The following BRWD3 variants were observed in gnomAD, a reference collection of about 807,000 sequenced individuals.
BRWD3 encodes the protein bromodomain and WD repeat domain containing 3.
In BRWD3, 10 loss-of-function variants were observed where a neutral mutation model predicts 149.7. The observed-to-expected ratio is 0.07, with a 90% confidence interval of 0.04 to 0.11. The LOEUF is 0.11. Ranked by LOEUF, BRWD3 falls within the 10% of genes least tolerant of loss-of-function variation. The probability of loss-of-function intolerance (pLI) is 1.00; values close to 1 mark genes in which losing one functional copy is unlikely to be tolerated. For missense variants in BRWD3, 940 were observed against 1,373.2 expected, an observed-to-expected ratio of 0.68 and a Z score of 4.99; for synonymous variants, 504 against 456.7, an observed-to-expected ratio of 1.10 and a Z score of -1.32.
intron 8 of BRWD3, among the ~76,000 whole-genome samples, chrX:80,740,255 G>C (rs760981422): frequency 9.0e-6 from 1 of 111,681 alleles, no homozygotes; most frequent in Non-Finnish European, 1.9e-5. Flanking sequence ...TCCAAAAGTG[G>C]TCTCTTTCTC....
At chrX:80,699,052 A>G (rs2072743234) in intron 25 of BRWD3, among the ~76,000 whole-genome samples, 1 of 108,948 alleles carries the variant, frequency 9.2e-6, no homozygotes, top group African/African-American at 3.4e-5. Context: ...TGTCTCCAAT[A>G]AAAATACGAA....
At chrX:80,709,801 G>A in intron 20 of BRWD3, 1 of 465,025 alleles carries the variant, frequency 2.2e-6, no homozygotes, top group East Asian at 3.7e-5. Context: ...ATTAAAGACA[G>A]TGCTGAAAAG....
intron 14 of BRWD3, among the ~76,000 whole-genome samples, chrX:80,726,682 T>C (rs2073254055): frequency 9.1e-6 from 1 of 110,311 alleles, no homozygotes; most frequent in African/African-American, 3.3e-5. Context: ...GAATAGAGTA[T>C]CCTACCATAT....
At chrX:80,698,229 A>C (rs140235656) in intron 25 of BRWD3, among the ~76,000 whole-genome samples, 437 of 112,045 alleles carry the variant, frequency 3.9e-3, no homozygotes, top group African/African-American at 0.014. Flanking sequence ...ATACACATTT[A>C]CTGATTATTA....
At position 80,722,635 on chromosome X, in the gene BRWD3, G is replaced by A. The variant is rs749932873; in HGVS notation, c.1803C>T (p.Phe601=). ...TTTCCCGTCCTGGTACCAACCGTTG[G>A]AATTTTGTGGGATGAGGATTTCCAT... is the stretch of plus-strand genomic sequence containing the variant. ...DVDGNPHPTK[F]QRLVPGRENC... is the part of the protein sequence containing the mutation. The change falls in exon 17 of 41, where the codon TTC becomes TTT. Residue 601 remains phenylalanine (F), a synonymous_variant. Coordinates refer to ENST00000373275, the MANE Select transcript of BRWD3 (RefSeq NM_153252.5). 8.3e-7 allele frequency: 1 copy of A among 1,211,584 alleles called. No homozygotes were observed. Among genetic ancestry groups the A allele is most frequent in the East Asian group, 3.0e-5 (1 of 33,834 alleles).
rs762886663 is a variant in BRWD3, at chrX:80,677,027, T to C, written c.4991A>G (p.Asn1664Ser). 2 of 1,211,519 alleles carry C rather than the reference T, an allele frequency of 1.7e-6. No individual in the cohort carries two copies. The highest frequency in any genetic ancestry group is 2.2e-6 in the Non-Finnish European group (2 of 895,372). Residue 1664 changes from asparagine to serine, a missense_variant, in exon 41 of 41, where the codon AAT (asparagine) becomes AGT (serine). Physicochemically the swap from Asn to Ser is conservative, Grantham distance 46 (BLOSUM62 1). Around this residue, in one of 6 missense-constraint regions of BRWD3, gnomAD observed 349 missense variants for 419.6 expected, o/e 0.83. Transcript: ENST00000373275. The stretch of plus-strand genomic sequence containing the variant: ...TCCTCCTGTGCCTCTGGTCTTCCAA[T>C]TTCTTTTTCCATTGCCATGTTGCTT... The part of the protein sequence containing the change: ...LRKQHGNGKR[N>S]WKTRGTGGRG...
Position 80,809,766 on chromosome X carries a change from AG to A in BRWD3, c.-296del, listed in dbSNP as rs1569296348. On this transcript the variant is annotated 5_prime_UTR_variant, in exon 1 of 41. Transcript: ENST00000373275. ...AGAGAGAGAGAGAGGAAAAAGAGAG[AG>A]AGAGAGAGAGAGAGAGAGAGAGAGA... is the stretch of plus-strand genomic sequence containing the variant. 1.9e-3 allele frequency: 130 copies of A among 66,976 alleles called. No individual in the cohort carries two copies. The highest frequency in any genetic ancestry group is 0.011 in the African/African-American group (125 of 11,103). The allele number at this position is 66,976 out of a possible 1,213,427, so 5.5% of individuals were successfully genotyped here. A position where few individuals can be genotyped will look rare whatever the true frequency, so the allele number is the denominator to read the frequency against.
intron 33 of BRWD3, among the ~76,000 whole-genome samples, chrX:80,689,071 G>A (rs1172949834): frequency 9.0e-6 from 1 of 111,266 alleles, no homozygotes; most frequent in East Asian, 2.8e-4. Flanking sequence ...AATATCTCAT[G>A]CCACTGCAAC....
chrX:80,759,496 T>A (rs1018121391), intron 6 of BRWD3, among the ~76,000 whole-genome samples: 1 of 111,835 alleles, frequency 8.9e-6, no homozygotes, highest in Non-Finnish European at 1.9e-5. Flanking sequence ...TCTCTAACTA[T>A]GCTTGCTCTA....
At chrX:80,699,432 T>C (rs1019903818) in intron 25 of BRWD3, among the ~76,000 whole-genome samples, 1 of 110,970 alleles carries the variant, frequency 9.0e-6, no homozygotes. Context: ...TGCATATATA[T>C]ATACACATAT....
intron 22 of BRWD3, among the ~76,000 whole-genome samples, chrX:80,706,857 C>T (rs1187857018): frequency 1.8e-5 from 2 of 112,570 alleles, no homozygotes; most frequent in Non-Finnish European, 3.8e-5. Context: ...TAGCAAGACA[C>T]CATCTCTAAA....
intron 6 of BRWD3, among the ~76,000 whole-genome samples, chrX:80,749,374 CAATGTT>C (rs989067618): frequency 9.0e-6 from 1 of 111,304 alleles, no homozygotes; most frequent in African/African-American, 3.3e-5. Flanking sequence ...TTAGGTGCTC[CAATGTT>C]GGGTGCATAT....
In BRWD3 at chrX:80,686,929, C is replaced by T. The variant is rs765601278; in HGVS notation, c.3939G>A (p.Leu1313=). The T allele has an allele frequency of 6.5e-5, 79 of 1,207,483 alleles. No homozygotes were observed. The Middle Eastern group carries it at 1.6e-3, about 25-fold the overall frequency. Residue 1313 remains leucine, a synonymous_variant, in exon 35 of 41, where the codon TTG becomes TTA. Transcript: ENST00000373275. ...AGTCTTCACGTTCATAAATGAGGCT[C>T]AATAGTTCCTTGCATTGTTTTTTCC... ...DAWKKQCKEL[L]SLIYEREDSE...
chrX:80,805,754 C>A (rs1232006566), intron 4 of BRWD3, among the ~76,000 whole-genome samples: 1 of 111,184 alleles, frequency 9.0e-6, no homozygotes, highest in Non-Finnish European at 1.9e-5. Context: ...GCCAACATGG[C>A]GAAACCCCGT....
intron 6 of BRWD3, among the ~76,000 whole-genome samples, chrX:80,750,686 A>T (rs2073654022): frequency 9.0e-6 from 1 of 111,654 alleles, no homozygotes; most frequent in Admixed American, 9.5e-5. Context: ...GAAATTGAAA[A>T]TGGAAATACC....
intron 6 of BRWD3, among the ~76,000 whole-genome samples, chrX:80,777,657 C>CA (rs2074013319): frequency 9.0e-6 from 1 of 111,475 alleles, no homozygotes; most frequent in African/African-American, 3.3e-5. Context: ...CACTGGCTCC[C>CA]AAACTGTTGG....
At chrX:80,740,188 T>G (rs1249321246) in intron 8 of BRWD3, among the ~76,000 whole-genome samples, 2 of 111,720 alleles carry the variant, frequency 1.8e-5, no homozygotes, top group Non-Finnish European at 1.9e-5. Context: ...ACACAAAAAA[T>G]GGCATACTTA....
chrX:80,789,415 G>A (rs1230552390), intron 6 of BRWD3, among the ~76,000 whole-genome samples: 4 of 110,397 alleles, frequency 3.6e-5, no homozygotes, highest in Non-Finnish European at 5.7e-5. Flanking sequence ...TCGCTCTGTC[G>A]CCCAGGCTGG....
chrX:80,705,747 C>T (rs1401982309), intron 22 of BRWD3, among the ~76,000 whole-genome samples: 2 of 111,664 alleles, frequency 1.8e-5, no homozygotes, highest in Non-Finnish European at 3.8e-5. Flanking sequence ...CTACACAATG[C>T]TAAGTGTATA....
Sources: allele counts gnomAD v4.1 joint callset (sites outside exome capture counted in the v4.1 genomes callset), GRCh38; gene constraint gnomAD v4.1.1; regional missense constraint gnomAD v4.1.1; transcripts MANE v1.5; gene names NCBI Gene and HGNC (gene_info 2026-07-23, HGNC 2026-07-21).